GGA3: variants seen among roughly 807,000 people sequenced by gnomAD.
GGA3 encodes the protein ADP-ribosylation factor-binding protein GGA3.
Under a neutral mutation model 77.5 loss-of-function variants are expected in GGA3, and 57 were observed. The observed-to-expected ratio is 0.74, with a 90% CI of 0.59 to 0.92. The LOEUF (loss-of-function observed/expected upper bound fraction) is 0.92, where lower values mean the gene tolerates loss of function less well. Among genes scored for constraint, GGA3 ranks in the 40% least tolerant of loss-of-function variants. GGA3 has a pLI of 0.00. For synonymous variants in GGA3, 416 were observed against 383.7 expected (o/e 1.08, Z -0.98); for missense variants, 970 against 914.9 (o/e 1.06, Z -0.78).
chr17:75,250,484 T>C (rs912767147), intron 1 of GGA3, among the ~76,000 whole-genome samples: 1 of 152,226 alleles, frequency 6.6e-6, no homozygotes, highest in African/African-American at 2.4e-5. Flanking sequence ...CATAGCAGGC[T>C]GGATGCGGTG....
At chr17:75,257,146 A>G (rs1420160432) in intron 1 of GGA3, among the ~76,000 whole-genome samples, 1 of 152,112 alleles carries the variant, frequency 6.6e-6, no homozygotes, top group Non-Finnish European at 1.5e-5. Flanking sequence ...CAATACTTTT[A>G]CCACTTTCCC....
chr17:75,246,574 C>A lies in GGA3; in HGVS notation c.136G>T (p.Ala46Ser). ...INKELEGPQI[A>S]VRLLAHKIQS... ...ATCTTGTGGGCCAGCAGTCGGACGG[C>A]GATCTGTGGCCTGGGGGACAAGCAG... Residue 46 changes from alanine (A) to serine (S), a missense_variant, in exon 3 of 17, where the codon GCC (alanine) becomes TCC (serine). Ala to Ser is a moderately conservative substitution (Grantham distance 99, BLOSUM62 1). Transcript: ENST00000537686. 6.2e-7 allele frequency: 1 copy of A among 1,613,702 alleles called. No individual in the cohort carries two copies. Among genetic ancestry groups the A allele is most frequent in the Non-Finnish European group, 8.5e-7 (1 of 1,179,644 alleles).
chr17:75,257,740 A>G (rs2077205596), intron 1 of GGA3, among the ~76,000 whole-genome samples: 1 of 152,120 alleles, frequency 6.6e-6, no homozygotes, highest in East Asian at 1.9e-4. Context: ...CACTTGAAGC[A>G]GCCCTGAGAA....
Position 75,243,088 on chromosome 17 carries a change from A to G in GGA3, c.503T>C (p.Val168Ala). ...PSPPPRPKNPVFDDEEKSKLL... is the reference protein window; with the variant it reads ...PSPPPRPKNPAFDDEEKSKLL... Reference sequence around the variant, plus strand: ...CTTGGACTTCTCCTCATCATCAAAAACAGGGTTTTTGGGACGAGGTGGTGG... The same window carrying G: ...CTTGGACTTCTCCTCATCATCAAAAGCAGGGTTTTTGGGACGAGGTGGTGG... Residue 168 changes from valine (V) to alanine (A), a missense_variant, in exon 6 of 17, where the codon GTT becomes GCT. Transcript: ENST00000537686. 3 of 1,613,146 alleles carry G rather than the reference A, an allele frequency of 1.9e-6. 1 individual carries two copies. In the South Asian group the frequency reaches 3.3e-5, roughly 18 times the overall value.
rs770437607 is a variant in GGA3, at chr17:75,239,790, C to G, written c.1582G>C (p.Val528Leu). Residue 528 changes from valine (V) to leucine (L), a missense_variant and splice_region_variant, in exon 13 of 17, where the codon GTG becomes CTG. Coordinates refer to ENST00000537686, the MANE Select transcript of GGA3 (RefSeq NM_138619.4). ...CCCACATCTCCTCCCACTCATTACA[C>G]TTTGGCCTCTTCTAGAAGCTGATCG... ...ALDQLLEEAK[V>L]TSGLVKPTTS... is the part of the protein sequence containing the mutation. The G allele has an allele frequency of 6.2e-7, 1 of 1,613,482 alleles. No homozygotes were observed. Among genetic ancestry groups the G allele is most frequent in the Non-Finnish European group, 8.5e-7 (1 of 1,180,002 alleles).
chr17:75,253,749 C>A (rs138513618), intron 1 of GGA3, among the ~76,000 whole-genome samples: 2,182 of 152,116 alleles, frequency 0.014, 29 homozygotes, highest in Non-Finnish European at 0.02. Context: ...AGGGTAAGAA[C>A]CCTCGAACCC....
chr17:75,255,964 C>T (rs553281199), intron 1 of GGA3, among the ~76,000 whole-genome samples: 1 of 152,358 alleles, frequency 6.6e-6, no homozygotes, highest in East Asian at 1.9e-4. Flanking sequence ...CCCATTACTT[C>T]AGTCAAGCCC....
intron 1 of GGA3, among the ~76,000 whole-genome samples, chr17:75,248,455 C>T (rs1186565921): frequency 8.7e-5 from 5 of 57,798 alleles, no homozygotes; most frequent in Admixed American, 2.3e-4. Flanking sequence ...TGGGCGACAG[C>T]GAGACTCCGT....
rs770440067 is a variant in GGA3, at chr17:75,243,583, A to G, written c.301-13T>C. On this transcript the variant is annotated splice_polypyrimidine_tract_variant and intron_variant, in intron 4 of 16. Transcript: ENST00000537686. ...TGTCCCCCAGGTACTACATGGCAAA[A>G]GAAAATGAGGACCTAGTAAGTGCAG... is the stretch of plus-strand genomic sequence containing the variant. 17 of 1,613,468 alleles carry G rather than the reference A, an allele frequency of 1.1e-5. No homozygotes were observed. In the South Asian group the frequency reaches 1.9e-4, roughly 18 times the overall value.
chr17:75,261,085 T>G (rs1043818976), intron 1 of GGA3, among the ~76,000 whole-genome samples: 1 of 152,208 alleles, frequency 6.6e-6, no homozygotes, highest in Non-Finnish European at 1.5e-5. Flanking sequence ...TGGTCACAAT[T>G]CTGAAGCTGC....
At chr17:75,240,154 G>GGGGGGGGGGGGC in intron 12 of GGA3, 46 bp from the exon 13 acceptor site, 8 of 465,446 alleles carry the variant, frequency 1.7e-5, no homozygotes, top group East Asian at 1.1e-4. Flanking sequence ...GGTGGGGAGG[G>GGGGGGGGGGGGC]CCTGCCGCTG....
intron 3 of GGA3, 94 bp from the exon 4 acceptor site, chr17:75,244,811 T>G: frequency 1.3e-6 from 1 of 791,084 alleles, no homozygotes; most frequent in Non-Finnish European, 2.2e-6. Context: ...GAGTACTGAA[T>G]AAACACGCCC....
At chr17:75,250,206 A>G (rs552599611) in intron 1 of GGA3, among the ~76,000 whole-genome samples, 1 of 152,192 alleles carries the variant, frequency 6.6e-6, no homozygotes, top group South Asian at 2.1e-4. Context: ...CCTGGCATAG[A>G]GGTGACACCC....
At chr17:75,243,634 TC>T (rs750856588) in intron 4 of GGA3, 64 bp from the exon 5 acceptor site, 2 of 1,544,334 alleles carry the variant, frequency 1.3e-6, no homozygotes, top group Non-Finnish European at 1.8e-6. Flanking sequence ...AGTGTAAGGC[TC>T]CCTCCACAGC....
intron 3 of GGA3, among the ~76,000 whole-genome samples, chr17:75,245,918 G>C (rs990211126): frequency 2.0e-5 from 3 of 152,156 alleles, no homozygotes; most frequent in African/African-American, 4.8e-5. Flanking sequence ...TCCAGGACCT[G>C]AATGCAGTCA....
intron 4 of GGA3, chr17:75,244,306 A>T (rs1050082474): frequency 1.4e-5 from 4 of 285,858 alleles, no homozygotes; most frequent in African/African-American, 8.9e-5. Context: ...GGCCAAGAAA[A>T]CCCACAAAAC....
At chr17:75,261,471 C>G (rs979688097) in intron 1 of GGA3, 77 bp downstream of exon 1, 2 of 1,204,124 alleles carry the variant, frequency 1.7e-6, no homozygotes, top group Non-Finnish European at 2.2e-6. Flanking sequence ...CCGTGGAGCC[C>G]GGGGAGGGGA....
Position 75,244,703 on chromosome 17 carries a change from G to A in GGA3, c.216C>T (p.Cys72=), listed in dbSNP as rs2076694388. Residue 72 remains cysteine, a synonymous_variant, in exon 4 of 17, where the codon TGC becomes TGT. Transcript: ENST00000537686. ...GAAATCTCCTCCCACAGTTCTTCAT[G>A]CATGCCTCCAGCACCTGTAGCCGCA... is the stretch of plus-strand genomic sequence containing the variant. The part of the protein sequence containing the change: ...ALQALTVLEA[C]MKNCGRRFHN... 6.2e-7 allele frequency: 1 copy of A among 1,613,088 alleles called. No individual in the cohort carries two copies. Among genetic ancestry groups the A allele is most frequent in the Non-Finnish European group, 8.5e-7 (1 of 1,179,166 alleles).
chr17:75,237,353 G>A lies in GGA3; in HGVS notation c.*926C>T. 1 of 824,200 alleles carries A rather than the reference G, an allele frequency of 1.2e-6. No individual in the cohort carries two copies. The highest frequency in any genetic ancestry group is 2.0e-6 in the Non-Finnish European group (1 of 501,756). 51.1% of individuals were successfully genotyped at this position (824,200 alleles called of 1,614,324 possible). A position where few individuals can be genotyped will look rare whatever the true frequency, so the allele number is the denominator to read the frequency against. On this transcript the variant is annotated 3_prime_UTR_variant, in exon 17 of 17. Coordinates refer to ENST00000537686, the MANE Select transcript of GGA3 (RefSeq NM_138619.4). Reference sequence around the variant, plus strand: ...TGAGGCCTCCTGTGTCCAGCCACAGGTGCCACACCACATGCCATCTGGTGA... The same window carrying A: ...TGAGGCCTCCTGTGTCCAGCCACAGATGCCACACCACATGCCATCTGGTGA...
Sources: gnomAD v4.1 joint callset for allele counts (sites outside exome capture counted in the v4.1 genomes callset) on GRCh38, gnomAD v4.1.1 for gene constraint, MANE v1.5 for transcripts, NCBI Gene and HGNC (gene_info 2026-07-23, HGNC 2026-07-21) for gene names.